CEP164: variants seen among roughly 807,000 people sequenced by gnomAD.
CEP164 encodes centrosomal protein of 164 kDa.
CEP164 carries 162 observed loss-of-function variants against 182.7 expected under a neutral mutation model. The observed-to-expected ratio is 0.89, with a 90% CI of 0.78 to 1.01. The LOEUF is 1.01. Ranked by LOEUF, CEP164 falls within the 50% of genes least tolerant of loss-of-function variation. The pLI is 0.00. For missense variants in CEP164, 1,735 were observed against 1,790.4 expected (o/e 0.97, Z 0.56); for synonymous variants, 661 against 690.0 (o/e 0.96, Z 0.66).
intron 11 of CEP164, among the ~76,000 whole-genome samples, chr11:117,376,574 A>C (rs959408851): frequency 1.3e-5 from 2 of 152,228 alleles, no homozygotes; most frequent in Non-Finnish European, 2.9e-5. Flanking sequence ...GGGTGAAACA[A>C]ACAAGATGTT....
At chr11:117,341,129 G>A (rs2038051610) in intron 3 of CEP164, among the ~76,000 whole-genome samples, 1 of 152,038 alleles carries the variant, frequency 6.6e-6, no homozygotes, top group Non-Finnish European at 1.5e-5. Context: ...ACCTAGCCAT[G>A]AATGGCCTGT....
chr11:117,322,626 G>C (rs1324261634), intron 1 of CEP164, among the ~76,000 whole-genome samples: 1 of 151,738 alleles, frequency 6.6e-6, no homozygotes, highest in Non-Finnish European at 1.5e-5. Context: ...CACGATCTTG[G>C]CTCACTGAAA....
At chr11:117,404,084 CA>C (rs780226800) in intron 27 of CEP164, among the ~76,000 whole-genome samples, 8 of 152,150 alleles carry the variant, frequency 5.3e-5, no homozygotes, top group Non-Finnish European at 7.4e-5. Context: ...AGCTTCCTTG[CA>C]TTGGGTTAGA....
chr11:117,350,342 T>C (rs2039466771), intron 4 of CEP164, among the ~76,000 whole-genome samples: 1 of 152,184 alleles, frequency 6.6e-6, no homozygotes, highest in Non-Finnish European at 1.5e-5. Flanking sequence ...TAACTGGGAC[T>C]ACAGACGTGT....
intron 11 of CEP164, 72 bp downstream of exon 11, chr11:117,375,863 C>A: frequency 7.6e-7 from 1 of 1,321,134 alleles, no homozygotes; most frequent in Non-Finnish European, 1.1e-6. Flanking sequence ...TGACCCAGAA[C>A]TGAGCCCTGC....
intron 1 of CEP164, among the ~76,000 whole-genome samples, chr11:117,333,950 T>C (rs2036620902): frequency 6.6e-6 from 1 of 152,238 alleles, no homozygotes; most frequent in Non-Finnish European, 1.5e-5. Flanking sequence ...TGAAGGACTT[T>C]TGCATGCATC....
chr11:117,338,922 A>T (rs1468686809), intron 3 of CEP164, among the ~76,000 whole-genome samples: 1 of 151,782 alleles, frequency 6.6e-6, no homozygotes, highest in Non-Finnish European at 1.5e-5. Flanking sequence ...GGTTCAAGTG[A>T]TTCTCCCACC....
chr11:117,329,666 C>T (rs750811950), intron 1 of CEP164, among the ~76,000 whole-genome samples: 5 of 151,998 alleles, frequency 3.3e-5, no homozygotes, highest in African/African-American at 7.2e-5. Flanking sequence ...CTCAGCTTCC[C>T]GAGTAGCTGG....
rs369224299 is a variant in CEP164 at position 117,381,797 on chromosome 11, C to T, written c.1506C>T (p.Pro502=). Residue 502 remains proline (P), a synonymous_variant, in exon 13 of 33, where the codon CCC becomes CCT. Coordinates refer to ENST00000278935, the MANE Select transcript of CEP164 (RefSeq NM_014956.5). The part of the protein sequence containing the change: ...EEPPQGPEGQ[P]EWKEAEELGE... ...CTCCCCAGGGCCCCGAGGGGCAGCC[C>T]GAGTGGAAGGAGGCAGAGGAGCTTG... 141 of 1,572,306 alleles carry T rather than the reference C, an allele frequency of 9.0e-5. No individual in the cohort carries two copies. The highest frequency in any genetic ancestry group is 1.1e-4 in the Non-Finnish European group (128 of 1,158,300).
intron 11 of CEP164, among the ~76,000 whole-genome samples, chr11:117,377,840 ATTTC>A (rs1007395542): frequency 1.2e-4 from 18 of 152,098 alleles, no homozygotes; most frequent in South Asian, 1.0e-3. Flanking sequence ...GACATAATAC[ATTTC>A]TTTCTTTCTT....
rs1276525708 is a variant in CEP164, at chr11:117,371,291, A to T, written c.977A>T (p.Asn326Ile). The change falls in exon 9 of 33, where the codon AAT (asparagine) becomes ATT (isoleucine). Residue 326 changes from asparagine (N) to isoleucine (I), a missense_variant. Asn to Ile is a moderately radical substitution (Grantham distance 149). Coordinates refer to ENST00000278935, the MANE Select transcript of CEP164 (RefSeq NM_014956.5). ...NEKSEPKICR[N>I]LVTPKADPTG... ...AAGAGTGAACCTAAGATTTGCAGGA[A>T]TCTGGTGACCCCCAAGGCAGACCCT... The T allele has an allele frequency of 6.2e-7, 1 of 1,614,204 alleles. No homozygotes were observed. The highest frequency in any genetic ancestry group is 1.1e-5 in the South Asian group (1 of 91,074).
At chr11:117,350,074 AT>A (rs550515741) in intron 4 of CEP164, among the ~76,000 whole-genome samples, 373 of 151,854 alleles carry the variant, frequency 2.5e-3, no homozygotes, top group African/African-American at 8.0e-3. Flanking sequence ...TGCCCGGCCA[AT>A]TTTTGTATTT....
intron 20 of CEP164, among the ~76,000 whole-genome samples, chr11:117,393,352 A>G (rs1022235988): frequency 6.6e-6 from 1 of 152,146 alleles, no homozygotes; most frequent in African/African-American, 2.4e-5. Context: ...TTTTATTAAA[A>G]CATGAGAAAA....
rs145755063 is a variant in CEP164, at chr11:117,390,790, C to T, written c.1948C>T (p.Arg650Trp). The part of the protein sequence containing the change: ...KEQSLSSLRE[R>W]LQKAIEEEEA... ...TTTCCATCTCAGTTCCTTGAGGGAG[C>T]GGCTGCAGAAAGCCATTGAGGAGGA... is the stretch of plus-strand genomic sequence containing the variant. The change falls in exon 16 of 33, where the codon CGG (arginine) becomes TGG (tryptophan). Residue 650 changes from arginine (R) to tryptophan (W), a missense_variant. Physicochemically the swap from Arg to Trp is moderately radical, Grantham distance 101. Transcript: ENST00000278935. The T allele has an allele frequency of 4.5e-5, 72 of 1,613,746 alleles. 1 individual carries two copies. Among genetic ancestry groups the T allele is most frequent in the African/African-American group, 1.9e-4 (14 of 74,836 alleles).
intron 15 of CEP164, among the ~76,000 whole-genome samples, chr11:117,388,714 G>C (rs1322356647): frequency 1.3e-5 from 2 of 151,992 alleles, no homozygotes; most frequent in Non-Finnish European, 2.9e-5. Context: ...AGGACAAAGA[G>C]AAAAGGTTTC....
intron 4 of CEP164, among the ~76,000 whole-genome samples, chr11:117,350,088 T>C (rs1403052999): frequency 2.0e-5 from 3 of 152,146 alleles, no homozygotes; most frequent in African/African-American, 4.8e-5. Flanking sequence ...TTGTATTTTT[T>C]AGTAGAGATG....
intron 5 of CEP164, chr11:117,356,339 G>GC: frequency 8.6e-7 from 1 of 1,161,528 alleles, no homozygotes; most frequent in Non-Finnish European, 1.1e-6. Context: ...CAGACACAGC[G>GC]CCAGCACAGT....
rs918278027 is a variant in CEP164 at position 117,412,600 on chromosome 11, G to T, written c.*432G>T. The T allele has an allele frequency of 2.5e-5, 4 of 161,572 alleles. No individual in the cohort carries two copies. The highest frequency in any genetic ancestry group is 5.5e-5 in the Non-Finnish European group (4 of 72,824). 10.0% of individuals were successfully genotyped at this position (161,572 alleles called of 1,614,324 possible). Reference sequence around the variant, plus strand: ...TAATTCATCAGGACAAAGACCCCCAGCATGTGTGTACCCTGGGACCCGATT... The same window carrying T: ...TAATTCATCAGGACAAAGACCCCCATCATGTGTGTACCCTGGGACCCGATT... On this transcript the variant is annotated 3_prime_UTR_variant, in exon 33 of 33. Coordinates refer to ENST00000278935, the MANE Select transcript of CEP164 (RefSeq NM_014956.5).
Position 117,405,051 on chromosome 11 carries a change from G to A in CEP164, c.3502-2874G>A, listed in dbSNP as rs548067178. On this transcript the variant is annotated intron_variant, in intron 27 of 32. Coordinates refer to ENST00000278935, the MANE Select transcript of CEP164 (RefSeq NM_014956.5). ...AGGTCTACTTCAGACTGCTGTGCTA[G>A]CAGCATGAATTTCAAGCCAGTGGAT... is the stretch of plus-strand genomic sequence containing the variant. Among the ~76,000 whole-genome samples the A allele has an allele frequency of 8.5e-5, 13 of 152,348 alleles. No homozygotes were observed. In the South Asian group the frequency reaches 2.7e-3, roughly 32 times the overall value.
Sources: gnomAD v4.1 joint callset for allele counts (sites outside exome capture counted in the v4.1 genomes callset) on GRCh38, gnomAD v4.1.1 for gene constraint, MANE v1.5 for transcripts, NCBI Gene and HGNC (gene_info 2026-07-23, HGNC 2026-07-21) for gene names.